Variants in CPXCR1 observed in about 807,000 individuals in gnomAD.
The protein encoded by CPXCR1 is CPX chromosome region candidate 1.
In CPXCR1, 15 loss-of-function variants were observed where a neutral mutation model predicts 13.8. The ratio of observed to expected loss-of-function variants is 1.09; its 90% confidence interval spans 0.73 to 1.67. The LOEUF is 1.67. CPXCR1 is among the 40% of genes most tolerant of loss of function. The probability of loss-of-function intolerance (pLI) is 0.00; values close to 1 mark genes in which losing one functional copy is unlikely to be tolerated. For missense variants in CPXCR1, 247 were observed against 223.6 expected (o/e 1.10, Z -0.67); for synonymous variants, 70 against 76.7 (o/e 0.91, Z 0.46).
At chrX:88,752,193 TAC>T (rs1230818846) in intron 2 of CPXCR1, among the ~76,000 whole-genome samples, 1 of 111,556 alleles carries the variant, frequency 9.0e-6, no homozygotes, top group Admixed American at 9.6e-5. Flanking sequence ...AGTATTAGGG[TAC>T]ACTGAAAGTG....
In CPXCR1 at chrX:88,753,639, G is replaced by A. The variant is rs764508149; in HGVS notation, c.225G>A (p.Glu75=). 10 of 1,204,294 alleles carry A rather than the reference G, an allele frequency of 8.3e-6. No homozygotes were observed. Among genetic ancestry groups the A allele is most frequent in the African/African-American group, 3.5e-5 (2 of 56,453 alleles). ...CAGAAAACAGCGAGCTCGAAACAGAGATCCAAAAAGATCAACGAGAAGAAG... is the reference window on the plus strand; with the variant it reads ...CAGAAAACAGCGAGCTCGAAACAGAAATCCAAAAAGATCAACGAGAAGAAG... ...QAAENSELET[E]IQKDQREEDL... is the part of the protein sequence containing the mutation. The change falls in exon 3 of 3, where the codon GAG becomes GAA. Residue 75 remains glutamate (E), a synonymous_variant. Coordinates refer to ENST00000276127, the MANE Select transcript of CPXCR1 (RefSeq NM_033048.6).
rs753571924 is a variant in CPXCR1 at position 88,753,655 on chromosome X, C to T, written c.241C>T (p.Arg81Ter). The change falls in exon 3 of 3, where the codon CGA becomes TGA. Residue 81 changes from arginine to a stop codon, truncating the protein, a stop_gained. Transcript: ENST00000276127. LOFTEE classifies it high-confidence loss of function. ...CGAAACAGAGATCCAAAAAGATCAA[C>T]GAGAAGAAGATCTAAAAGAAGAGCT... The part of the protein sequence containing the change: ...ELETEIQKDQ[R>*]EEDLKEELLL... 1.6e-5 allele frequency: 19 copies of T among 1,206,183 alleles called. No individual in the cohort carries two copies. The highest frequency in any genetic ancestry group is 2.2e-5 in the Admixed American group (1 of 45,158).
chrX:88,754,337 T>C lies in CPXCR1; in HGVS notation c.*17T>C. ...GGGAATTAAATTAAATTGGGGTAAATTCATTTTAAAATATAACTTCTAAAA... is the reference window on the plus strand; with the variant it reads ...GGGAATTAAATTAAATTGGGGTAAACTCATTTTAAAATATAACTTCTAAAA... On this transcript the variant is annotated 3_prime_UTR_variant, in exon 3 of 3. Coordinates refer to ENST00000276127, the MANE Select transcript of CPXCR1 (RefSeq NM_033048.6). 1 of 1,003,088 alleles carries C rather than the reference T, an allele frequency of 1.0e-6. No individual in the cohort carries two copies. The highest frequency in any genetic ancestry group is 1.3e-6 in the Non-Finnish European group (1 of 746,615). The allele number at this position is 1,003,088 out of a possible 1,213,427, so 82.7% of individuals were successfully genotyped here.
chrX:88,753,328 C>T, intron 2 of CPXCR1, 79 bp from the exon 3 acceptor site: 1 of 570,591 alleles, frequency 1.8e-6, no homozygotes, highest in South Asian at 6.1e-5. Flanking sequence ...AGGCTTTTTG[C>T]CATGACCAAA....
Position 88,750,886 on chromosome X carries a change from A to C in CPXCR1, c.-9+1463A>C, listed in dbSNP as rs757627284. On this transcript the variant is annotated intron_variant, in intron 2 of 2. Coordinates refer to ENST00000276127, the MANE Select transcript of CPXCR1 (RefSeq NM_033048.6). Reference sequence around the variant, plus strand: ...AGAGGTGTTTATAGTATTCTCTGGTAGTAGTTTGTATTTCTGTGGGATCAG... The same window carrying C: ...AGAGGTGTTTATAGTATTCTCTGGTCGTAGTTTGTATTTCTGTGGGATCAG... Among the ~76,000 whole-genome samples, 10 of 111,670 alleles carry C rather than the reference A, an allele frequency of 9.0e-5. No homozygotes were observed. The East Asian group carries it at 2.8e-3, about 32-fold the overall frequency.
At chrX:88,753,162 G>A (rs1028153118) in intron 2 of CPXCR1, among the ~76,000 whole-genome samples, 3 of 111,356 alleles carry the variant, frequency 2.7e-5, no homozygotes, top group Admixed American at 9.6e-5. Context: ...GAGAGGTTAT[G>A]TTATTCCAAG....
At chrX:88,748,209 G>GA (rs376123552) in intron 1 of CPXCR1, among the ~76,000 whole-genome samples, 2 of 110,381 alleles carry the variant, frequency 1.8e-5, no homozygotes, top group South Asian at 3.8e-4. Flanking sequence ...TATCTTTGTG[G>GA]AAAAAATGAT....
At chrX:88,748,655 G>T (rs1924836036) in intron 1 of CPXCR1, among the ~76,000 whole-genome samples, 1 of 110,252 alleles carries the variant, frequency 9.1e-6, no homozygotes, top group African/African-American at 3.3e-5. Context: ...GTTTTGTGAT[G>T]TAATTACATT....
chrX:88,751,168 C>A (rs1602839747), intron 2 of CPXCR1, among the ~76,000 whole-genome samples: 2 of 111,172 alleles, frequency 1.8e-5, no homozygotes, highest in African/African-American at 6.5e-5. Context: ...GGTTAGGGTG[C>A]CGATTTTAGA....
chrX:88,751,484 C>T (rs772925976), intron 2 of CPXCR1, among the ~76,000 whole-genome samples: 9 of 111,143 alleles, frequency 8.1e-5, no homozygotes, highest in Non-Finnish European at 1.7e-4. Context: ...GTTTTACTTA[C>T]AATTATGTGT....
In CPXCR1 at chrX:88,753,849, T is replaced by C; in HGVS notation, c.435T>C (p.Ser145=). The C allele has an allele frequency of 8.3e-7, 1 of 1,206,722 alleles. No homozygotes were observed. Among genetic ancestry groups the C allele is most frequent in the Non-Finnish European group, 1.1e-6 (1 of 891,124 alleles). The change falls in exon 3 of 3, where the codon AGT becomes AGC. Residue 145 remains serine, a synonymous_variant. Coordinates refer to ENST00000276127, the MANE Select transcript of CPXCR1 (RefSeq NM_033048.6). Reference sequence around the variant, plus strand: ...CATGGAGAGTCCCATTTATTAACAGTCATGAGATAAGAAGTATGATTCTCC... The same window carrying C: ...CATGGAGAGTCCCATTTATTAACAGCCATGAGATAAGAAGTATGATTCTCC... ...STSWRVPFIN[S]HEIRSMILHL...
chrX:88,751,261 T>G (rs2206243), intron 2 of CPXCR1, among the ~76,000 whole-genome samples: 4,143 of 111,749 alleles, frequency 0.037, 201 homozygotes, highest in African/African-American at 0.13. Flanking sequence ...GAGATTCTGG[T>G]TTGTTGTGAC....
chrX:88,754,041 T>C lies in CPXCR1; in HGVS notation c.627T>C (p.Thr209=). 4.1e-6 allele frequency: 5 copies of C among 1,211,179 alleles called. No individual in the cohort carries two copies. The highest frequency in any genetic ancestry group is 5.6e-6 in the Non-Finnish European group (5 of 895,215). ...GGGTGCACTACTACCGTCCCCTCAC[T>C]GAGAGAATGACATCAGGAAAATTTT... ...PSRVHYYRPL[T]ERMTSGKFCK... is the part of the protein sequence containing the mutation. Residue 209 remains threonine (T), a synonymous_variant, in exon 3 of 3, where the codon ACT becomes ACC. Coordinates refer to ENST00000276127, the MANE Select transcript of CPXCR1 (RefSeq NM_033048.6).
chrX:88,748,720 C>T (rs190566385), intron 1 of CPXCR1, among the ~76,000 whole-genome samples: 1 of 109,595 alleles, frequency 9.1e-6, no homozygotes, highest in East Asian at 2.9e-4. Context: ...AAAAACCAGT[C>T]TTAACATAGT....
At position 88,754,357 on chromosome X, in the gene CPXCR1, C is replaced by A; in HGVS notation, c.*37C>A. ...GTAAATTCATTTTAAAATATAACTT[C>A]TAAAATTCATAATTTGACTACTAAA... On this transcript the variant is annotated 3_prime_UTR_variant, in exon 3 of 3. Coordinates refer to ENST00000276127, the MANE Select transcript of CPXCR1 (RefSeq NM_033048.6). The A allele has an allele frequency of 1.1e-6, 1 of 928,032 alleles. No homozygotes were observed. The highest frequency in any genetic ancestry group is 1.5e-6 in the Non-Finnish European group (1 of 681,997). The allele number at this position is 928,032 out of a possible 1,213,427, so 76.5% of individuals were successfully genotyped here.
rs746505335 is a variant in CPXCR1 at position 88,754,371 on chromosome X, T to C, written c.*51T>C. 3 of 866,458 alleles carry C rather than the reference T, an allele frequency of 3.5e-6. No individual in the cohort carries two copies. The South Asian group carries it at 9.1e-5, about 26-fold the overall frequency. 71.4% of individuals were successfully genotyped at this position (866,458 alleles called of 1,213,427 possible). On this transcript the variant is annotated 3_prime_UTR_variant, in exon 3 of 3. Transcript: ENST00000276127. ...AAATATAACTTCTAAAATTCATAAT[T>C]TGACTACTAAAGTAAGACAAAATTG...
rs1446627634 is a variant in CPXCR1, at chrX:88,747,272, C to T, written c.-212C>T. On this transcript the variant is annotated 5_prime_UTR_variant, in exon 1 of 3. Coordinates refer to ENST00000276127, the MANE Select transcript of CPXCR1 (RefSeq NM_033048.6). ...GGCAGAAGAAAAGGGGTCAAGAAGG[C>T]AGGACCCCGTGAAGCACACCTTTCC... The T allele has an allele frequency of 2.7e-5, 3 of 112,062 alleles. No individual in the cohort carries two copies. The highest frequency in any genetic ancestry group is 5.6e-5 in the Non-Finnish European group (3 of 53,271). 9.2% of individuals were successfully genotyped at this position (112,062 alleles called of 1,213,427 possible).
chrX:88,748,487 A>G (rs1268626763), intron 1 of CPXCR1, among the ~76,000 whole-genome samples: 1 of 110,501 alleles, frequency 9.0e-6, no homozygotes, highest in African/African-American at 3.3e-5. Flanking sequence ...AAAAAAAAAG[A>G]TTAAATAAGA....
intron 2 of CPXCR1, among the ~76,000 whole-genome samples, chrX:88,752,601 C>T (rs1011409626): frequency 3.6e-5 from 4 of 109,737 alleles, no homozygotes; most frequent in African/African-American, 1.3e-4. Context: ...GGCAGGAGTG[C>T]AATGGCACGA....
Sources: allele counts gnomAD v4.1 joint callset (sites outside exome capture counted in the v4.1 genomes callset), GRCh38; gene constraint gnomAD v4.1.1; transcripts MANE v1.5; gene names NCBI Gene and HGNC (gene_info 2026-07-23, HGNC 2026-07-21).